MMP16: variants seen among roughly 807,000 people sequenced by gnomAD.
The protein encoded by MMP16 is matrix metallopeptidase 16.
Under a neutral mutation model 67.8 loss-of-function variants are expected in MMP16, and 12 were observed. The ratio of observed to expected loss-of-function variants is 0.18; its 90% CI spans 0.11 to 0.29. The LOEUF is 0.29. Ranked by LOEUF, MMP16 falls within the 10% of genes least tolerant of loss-of-function variation. The pLI is 1.00. For synonymous variants in MMP16, 249 were observed against 255.9 expected, an observed-to-expected ratio of 0.97 and a Z score of 0.26; for missense variants, 475 against 765.7, an observed-to-expected ratio of 0.62 and a Z score of 4.48.
intron 4 of MMP16, among the ~76,000 whole-genome samples, chr8:88,149,330 CG>C (rs1554581197): frequency 6.6e-6 from 1 of 152,146 alleles, no homozygotes; most frequent in Non-Finnish European, 1.5e-5. Flanking sequence ...ACAAAGCAGC[CG>C]GGAACCTCGA....
intron 8 of MMP16, among the ~76,000 whole-genome samples, chr8:88,047,094 GC>G (rs1808209063): frequency 1.3e-5 from 1 of 76,430 alleles, no homozygotes; most frequent in South Asian, 4.6e-4. Flanking sequence ...AATAAAAAGT[GC>G]TAGCTAAGTA....
intron 1 of MMP16, among the ~76,000 whole-genome samples, chr8:88,277,133 T>C (rs1375678204): frequency 1.3e-5 from 2 of 152,180 alleles, no homozygotes; most frequent in Non-Finnish European, 2.9e-5. Context: ...TTAACTATTC[T>C]GAAGTCACCA....
In MMP16 at chr8:88,116,758, C is replaced by T. The variant is rs758237860; in HGVS notation, c.872-40G>A. The T allele has an allele frequency of 3.2e-6, 5 of 1,562,466 alleles. No individual in the cohort carries two copies. In the African/African-American group the frequency reaches 4.1e-5, roughly 13 times the overall value. ...AGGACAGTGCTTGGCTCACTTAAAACTGGAATAGAGCTGGAAAATATGCTA... is the reference window on the plus strand; with the variant it reads ...AGGACAGTGCTTGGCTCACTTAAAATTGGAATAGAGCTGGAAAATATGCTA... On this transcript the variant is annotated intron_variant, in intron 5 of 9. Coordinates refer to ENST00000286614, the MANE Select transcript of MMP16 (RefSeq NM_005941.5).
intron 1 of MMP16, among the ~76,000 whole-genome samples, chr8:88,304,553 C>A (rs2130051240): frequency 6.6e-6 from 1 of 152,266 alleles, no homozygotes; most frequent in South Asian, 2.1e-4. Flanking sequence ...GAGAGAAAGG[C>A]CTAGCCACCT....
chr8:88,192,566 T>C (rs897337952), intron 2 of MMP16, among the ~76,000 whole-genome samples: 2 of 152,164 alleles, frequency 1.3e-5, no homozygotes, highest in African/African-American at 2.4e-5. Flanking sequence ...ATGCCATGGG[T>C]ATATTCAGAA....
chr8:88,041,235 A>C lies in MMP16; in HGVS notation c.*226T>G. On this transcript the variant is annotated 3_prime_UTR_variant, in exon 10 of 10. Transcript: ENST00000286614. The surrounding 1 kb of genome is among the most constrained non-coding windows in gnomAD (Gnocchi z 6.0). ...AAGGCCTAGAACTGAATGACAAAGA[A>C]AGACAAAGGACTGAAGAACAGCAGA... 1 of 498,554 alleles carries C rather than the reference A, an allele frequency of 2.0e-6. No individual in the cohort carries two copies. Among genetic ancestry groups the C allele is most frequent in the Non-Finnish European group, 3.6e-6 (1 of 280,678 alleles). 30.9% of individuals were successfully genotyped at this position (498,554 alleles called of 1,614,324 possible). A position where few individuals can be genotyped will look rare whatever the true frequency, so the allele number is the denominator to read the frequency against.
chr8:88,253,611 T>C (rs1810258661), intron 1 of MMP16, among the ~76,000 whole-genome samples: 1 of 151,990 alleles, frequency 6.6e-6, no homozygotes, highest in African/African-American at 2.4e-5. Flanking sequence ...AAACTTAGCT[T>C]GAGTTAATCA....
At chr8:88,297,360 T>A (rs1811029146) in intron 1 of MMP16, among the ~76,000 whole-genome samples, 1 of 152,154 alleles carries the variant, frequency 6.6e-6, no homozygotes, top group African/African-American at 2.4e-5. Flanking sequence ...GACTTCTGGA[T>A]AATAACCAAG....
At chr8:88,148,552 C>T (rs1586175192) in intron 4 of MMP16, among the ~76,000 whole-genome samples, 2 of 152,296 alleles carry the variant, frequency 1.3e-5, no homozygotes, top group South Asian at 2.1e-4. Flanking sequence ...GCGGGAGCTT[C>T]AGATTCAATT....
chr8:88,062,224 T>A (rs1808407940), intron 7 of MMP16, among the ~76,000 whole-genome samples: 1 of 152,094 alleles, frequency 6.6e-6, no homozygotes, highest in Non-Finnish European at 1.5e-5. Flanking sequence ...GTAAACTAGT[T>A]CAACCATTGT....
At chr8:88,125,163 T>A (rs562608660) in intron 4 of MMP16, among the ~76,000 whole-genome samples, 1 of 151,240 alleles carries the variant, frequency 6.6e-6, no homozygotes, top group South Asian at 2.1e-4. Context: ...GCTTCTTACT[T>A]TTAATTAAGT....
In MMP16 at chr8:88,038,560, C is replaced by G. The variant is rs1346696251; in HGVS notation, c.*2901G>C. The G allele has an allele frequency of 6.6e-6, 1 of 152,540 alleles. No homozygotes were observed. Among genetic ancestry groups the G allele is most frequent in the African/African-American group, 2.4e-5 (1 of 41,456 alleles). 9.4% of individuals were successfully genotyped at this position (152,540 alleles called of 1,614,324 possible). ...TTCAATGCAGGGTGATGGAGTTCCT[C>G]AATGATTTGCACATGTCCCAAAATG... On this transcript the variant is annotated 3_prime_UTR_variant, in exon 10 of 10. Transcript: ENST00000286614. This position sits in a 1 kb window ranked among gnomAD's most constrained non-coding sequence, Gnocchi z 4.1.
intron 5 of MMP16, among the ~76,000 whole-genome samples, chr8:88,118,268 A>G (rs796163161): frequency 6.6e-6 from 1 of 152,210 alleles, no homozygotes; most frequent in East Asian, 1.9e-4. Flanking sequence ...TGTCTAGGAA[A>G]TACCTAACAT....
chr8:88,257,660 C>A (rs1008516926), intron 1 of MMP16, among the ~76,000 whole-genome samples: 1 of 152,146 alleles, frequency 6.6e-6, no homozygotes, highest in Non-Finnish European at 1.5e-5. Flanking sequence ...TCCTTTTGTT[C>A]ACCAATGCAT....
chr8:88,263,708 G>A (rs2129954796), intron 1 of MMP16, among the ~76,000 whole-genome samples: 1 of 152,108 alleles, frequency 6.6e-6, no homozygotes, highest in East Asian at 1.9e-4. Flanking sequence ...AAGGACACCA[G>A]TCATATTGGA....
At position 88,184,563 on chromosome 8, in the gene MMP16, G is replaced by GAAAAAAAAAAAAA. The variant is rs59310737; in HGVS notation, c.404+1900_404+1912dup. Among the ~76,000 whole-genome samples the GAAAAAAAAAAAAA allele has an allele frequency of 2.7e-4, 3 of 10,936 alleles. 1 individual carries two copies. Among genetic ancestry groups the GAAAAAAAAAAAAA allele is most frequent in the African/African-American group, 5.3e-4 (1 of 1,886 alleles). 7.2% of individuals were successfully genotyped at this position (10,936 alleles called of 152,430 possible). A position where few individuals can be genotyped will look rare whatever the true frequency, so the allele number is the denominator to read the frequency against. On this transcript the variant is annotated intron_variant, in intron 3 of 9. Coordinates refer to ENST00000286614, the MANE Select transcript of MMP16 (RefSeq NM_005941.5). ...GGGCAAATGGTAAAACTCTCTCTCT[G>GAAAAAAAAAAAAA]AAAAAAAAAAAAAAAAAAAAAAAAA...
At chr8:88,097,057 T>A (rs1386762489) in intron 6 of MMP16, among the ~76,000 whole-genome samples, 1 of 151,940 alleles carries the variant, frequency 6.6e-6, no homozygotes, top group East Asian at 1.9e-4. Flanking sequence ...ATGCACAGAA[T>A]GGGCTCCTTC....
At chr8:88,072,056 C>T (rs2616487) in intron 7 of MMP16, among the ~76,000 whole-genome samples, 116,053 of 152,008 alleles carry the variant, frequency 0.76, 45,651 homozygotes, top group East Asian at 0.96. Context: ...TCAGATGGTA[C>T]GTGCACAAGT....
intron 1 of MMP16, among the ~76,000 whole-genome samples, chr8:88,323,352 C>A (rs1262782889): frequency 6.6e-6 from 1 of 151,978 alleles, no homozygotes; most frequent in Non-Finnish European, 1.5e-5. Flanking sequence ...TGCAGGCAAA[C>A]CTGACAAAGG....
Sources: allele counts gnomAD v4.1 joint callset (sites outside exome capture counted in the v4.1 genomes callset), GRCh38; gene constraint gnomAD v4.1.1; non-coding constraint Gnocchi (gnomAD v3.1); transcripts MANE v1.5; gene names NCBI Gene and HGNC (gene_info 2026-07-23, HGNC 2026-07-21).